Variants in AFF2 observed in about 807,000 individuals in gnomAD.
The protein encoded by AFF2 is ALF transcription elongation factor 2, also known as AF4/FMR2 family member 2.
A neutral mutation model predicts 76.9 loss-of-function variants in AFF2; 14 were observed. The observed-to-expected ratio is 0.18, with a 90% CI of 0.12 to 0.28. AFF2 has a LOEUF of 0.28. Ranked by LOEUF, AFF2 falls within the 10% of genes least tolerant of loss-of-function variation. The pLI is 1.00. For synonymous variants in AFF2, 398 were observed against 366.7 expected, an observed-to-expected ratio of 1.09 and a Z score of -0.98; for missense variants, 868 against 1,001.1, an observed-to-expected ratio of 0.87 and a Z score of 1.79.
chrX:148,561,878 GA>G (rs1216775135), intron 1 of AFF2, among the ~76,000 whole-genome samples: 119 of 105,058 alleles, frequency 1.1e-3, no homozygotes, highest in African/African-American at 3.8e-3. Flanking sequence ...TTTACTAAAA[GA>G]AAAAAAAAAC....
rs1557244838 is a variant in AFF2 at position 148,581,363 on chromosome X, C to T, written c.48-70636C>T. The stretch of plus-strand genomic sequence containing the variant: ...ACGTATACGTGTACACACATATATA[C>T]GTATACGTGTACACACATATACACG... On this transcript the variant is annotated intron_variant, in intron 1 of 20. Coordinates refer to ENST00000370460, the MANE Select transcript of AFF2 (RefSeq NM_002025.4). Among the ~76,000 whole-genome samples the T allele has an allele frequency of 1.9e-5, 2 of 107,861 alleles. 1 individual carries two copies. Among genetic ancestry groups the T allele is most frequent in the African/African-American group, 6.9e-5 (2 of 29,161 alleles). 93.7% of individuals were successfully genotyped at this position (107,861 alleles called of 115,157 possible). A position where few individuals can be genotyped will look rare whatever the true frequency, so the allele number is the denominator to read the frequency against.
chrX:148,908,994 T>G (rs892081169), intron 9 of AFF2, among the ~76,000 whole-genome samples: 5 of 111,851 alleles, frequency 4.5e-5, no homozygotes, highest in Non-Finnish European at 7.5e-5. Context: ...ATAGAAAGTT[T>G]GTGGACTCCT....
chrX:148,635,964 A>G (rs782407950), intron 1 of AFF2, among the ~76,000 whole-genome samples: 3 of 110,590 alleles, frequency 2.7e-5, no homozygotes, highest in South Asian at 3.9e-4. Flanking sequence ...CTGGGCATCA[A>G]TTATAGATCT....
intron 4 of AFF2, among the ~76,000 whole-genome samples, chrX:148,828,368 C>T (rs1304903152): frequency 3.6e-5 from 4 of 111,868 alleles, no homozygotes; most frequent in African/African-American, 1.3e-4. Context: ...AACACTTTCT[C>T]AGTGGCCAGT....
At chrX:148,723,208 G>C (rs782283207) in intron 3 of AFF2, among the ~76,000 whole-genome samples, 18 of 112,137 alleles carry the variant, frequency 1.6e-4, no homozygotes, top group Non-Finnish European at 3.4e-4. Context: ...CTGGACAGTA[G>C]AAAGGTAGCA....
In AFF2 at chrX:148,552,431, C is replaced by T. The variant is rs188344855; in HGVS notation, c.47+51287C>T. On this transcript the variant is annotated intron_variant, in intron 1 of 20. Transcript: ENST00000370460. ...CACAAGCCAGGTGAATGTTGGAACC[C>T]AAGGACCTGACTGGGGGGAAAGCTG... Among the ~76,000 whole-genome samples the T allele has an allele frequency of 1.9e-3, 212 of 111,892 alleles. 2 individuals carry two copies. The highest frequency in any genetic ancestry group is 0.016 in the Admixed American group (171 of 10,558).
chrX:148,967,162 G>A, intron 14 of AFF2, 83 bp downstream of exon 14: 1 of 1,158,499 alleles, frequency 8.6e-7, no homozygotes, highest in South Asian at 2.0e-5. Context: ...TGCTGTGCAT[G>A]TGTCACCCCA....
chrX:148,520,192 T>C (rs2052579533), intron 1 of AFF2, among the ~76,000 whole-genome samples: 1 of 111,939 alleles, frequency 8.9e-6, no homozygotes, highest in Admixed American at 9.5e-5. Flanking sequence ...TTTTTCCCTC[T>C]TTAACTTTGA....
chrX:148,952,147 G>T (rs1569557598), intron 9 of AFF2, among the ~76,000 whole-genome samples: 1 of 111,522 alleles, frequency 9.0e-6, no homozygotes, highest in Non-Finnish European at 1.9e-5. Context: ...CTCAGTGAGT[G>T]AGAGTTGTAA....
intron 1 of AFF2, among the ~76,000 whole-genome samples, chrX:148,507,974 T>A (rs1479017960): frequency 8.9e-6 from 1 of 112,355 alleles, no homozygotes; most frequent in Non-Finnish European, 1.9e-5. Context: ...ATTTGAAAAA[T>A]AAAATCAGCT....
intron 8 of AFF2, among the ~76,000 whole-genome samples, chrX:148,901,943 C>G (rs2071359976): frequency 8.9e-6 from 1 of 111,733 alleles, no homozygotes; most frequent in Non-Finnish European, 1.9e-5. Flanking sequence ...GTTGGGACAT[C>G]AGAATGATCA....
At chrX:148,619,248 T>C (rs138155673) in intron 1 of AFF2, among the ~76,000 whole-genome samples, 1,479 of 111,259 alleles carry the variant, frequency 0.013, 28 homozygotes, top group African/African-American at 0.046. Flanking sequence ...GGCTACAGAC[T>C]TTCTCCAAGA....
chrX:148,609,559 G>A (rs1157397842), intron 1 of AFF2, among the ~76,000 whole-genome samples: 1 of 111,896 alleles, frequency 8.9e-6, no homozygotes, highest in Non-Finnish European at 1.9e-5. Flanking sequence ...CTGAAACCAA[G>A]TCTAATTTTG....
chrX:148,635,705 A>G (rs782404045), intron 1 of AFF2, among the ~76,000 whole-genome samples: 15 of 111,633 alleles, frequency 1.3e-4, no homozygotes, highest in Non-Finnish European at 2.4e-4. Flanking sequence ...CAAGGAGGCA[A>G]CAAGGAAGAT....
chrX:148,981,962 C>T (rs782213057), intron 19 of AFF2, among the ~76,000 whole-genome samples: 4 of 111,940 alleles, frequency 3.6e-5, no homozygotes, highest in East Asian at 2.8e-4. Flanking sequence ...TTAGGTCTTA[C>T]TCTTATATTG....
Position 148,996,714 on chromosome X carries a change from A to C in AFF2, c.*5382A>C, listed in dbSNP as rs782772091. On this transcript the variant is annotated 3_prime_UTR_variant, in exon 21 of 21. Transcript: ENST00000370460. ...GGAAGCCTAGGTTTTAAGCAGGAGA[A>C]TAGCTGAGAAGAATGAAGCCCTCCT... is the stretch of plus-strand genomic sequence containing the variant. 8.9e-6 allele frequency: 1 copy of C among 112,202 alleles called. No homozygotes were observed. 9.2% of individuals were successfully genotyped at this position (112,202 alleles called of 1,213,427 possible).
intron 3 of AFF2, among the ~76,000 whole-genome samples, chrX:148,768,529 A>C (rs2069547671): frequency 9.0e-6 from 1 of 111,049 alleles, no homozygotes; most frequent in African/African-American, 3.3e-5. Context: ...CACTGGGCCA[A>C]AAATGTGTGC....
Position 148,724,482 on chromosome X carries a change from C to A in AFF2, c.1041+61714C>A, listed in dbSNP as rs782519391. Among the ~76,000 whole-genome samples, 195 of 112,145 alleles carry A rather than the reference C, an allele frequency of 1.7e-3. 1 individual carries two copies. Among genetic ancestry groups the A allele is most frequent in the African/African-American group, 6.1e-3 (190 of 30,971 alleles). On this transcript the variant is annotated intron_variant, in intron 3 of 20. Transcript: ENST00000370460. ...ATAATAAAATCAACAACAATATCTG[C>A]AGTCACATTCATTTATTGAGAACTT...
In AFF2 at chrX:148,500,694, G is replaced by GCCGCCGCC. The variant is rs2052334024; in HGVS notation, c.-404_-403insCCGCCGCC. ...CCGCCGCCGCCGCCGCTGCCGCCCC[G>GCCGCCGCC]GCTGCCGCGCCGCGCCGCTGCCTCT... On this transcript the variant is annotated 5_prime_UTR_variant, in exon 1 of 21. Transcript: ENST00000370460. 7.8e-5 allele frequency: 4 copies of GCCGCCGCC among 51,119 alleles called. No individual in the cohort carries two copies. Among genetic ancestry groups the GCCGCCGCC allele is most frequent in the Non-Finnish European group, 1.2e-4 (3 of 25,325 alleles). The allele number at this position is 51,119 out of a possible 1,213,427, so 4.2% of individuals were successfully genotyped here.
Sources: gnomAD v4.1 joint callset for allele counts (sites outside exome capture counted in the v4.1 genomes callset) on GRCh38, gnomAD v4.1.1 for gene constraint, MANE v1.5 for transcripts, NCBI Gene and HGNC (gene_info 2026-07-23, HGNC 2026-07-21) for gene names.